FBF1: variants seen among roughly 807,000 people sequenced by gnomAD.
The protein encoded by FBF1 is fas-binding factor 1.
A neutral mutation model predicts 147.2 loss-of-function variants in FBF1; 119 were observed. That is an observed-to-expected ratio of 0.81 (90% CI 0.70 to 0.94). The LOEUF is 0.94. Among genes scored for constraint, FBF1 ranks in the 40% least tolerant of loss-of-function variants. FBF1 has a pLI of 0.00. For synonymous variants in FBF1, 601 were observed against 609.0 expected (o/e 0.99, Z 0.19); for missense variants, 1,449 against 1,500.8 (o/e 0.97, Z 0.57).
Position 75,919,961 on chromosome 17 carries a change from G to C in FBF1, c.1931+46C>G, listed in dbSNP as rs757953238. On this transcript the variant is annotated intron_variant, in intron 19 of 29. Transcript: ENST00000636174. This position sits in a 1 kb window ranked among gnomAD's most constrained non-coding sequence, Gnocchi z 5.0. Reference sequence around the variant, plus strand: ...TCCAGGCACACTGGGTGGCCTTTGGGGTCAGTGTGAGATCCAAGGCAGAGC... The same window carrying C: ...TCCAGGCACACTGGGTGGCCTTTGGCGTCAGTGTGAGATCCAAGGCAGAGC... The C allele has an allele frequency of 1.2e-6, 2 of 1,609,852 alleles. No homozygotes were observed. The highest frequency in any genetic ancestry group is 2.2e-5 in the South Asian group (2 of 90,936).
Position 75,909,789 on chromosome 17 carries a change from C to A in FBF1, c.*934G>T. 1.6e-6 allele frequency: 1 copy of A among 640,352 alleles called. No homozygotes were observed. Among genetic ancestry groups the A allele is most frequent in the Non-Finnish European group, 2.9e-6 (1 of 350,826 alleles). The allele number at this position is 640,352 out of a possible 1,614,324, so 39.7% of individuals were successfully genotyped here. On this transcript the variant is annotated 3_prime_UTR_variant, in exon 30 of 30. Coordinates refer to ENST00000636174, the MANE Select transcript of FBF1 (RefSeq NM_001319193.2). Reference sequence around the variant, plus strand: ...AAGAACATCTGCCTGTTCTTTGGGACTTGTCCAGCAAATAACAGGAAACAT... The same window carrying A: ...AAGAACATCTGCCTGTTCTTTGGGAATTGTCCAGCAAATAACAGGAAACAT...
chr17:75,913,128 G>A (rs1398991649), intron 28 of FBF1, among the ~76,000 whole-genome samples: 2 of 151,144 alleles, frequency 1.3e-5, no homozygotes, highest in African/African-American at 2.4e-5. Context: ...AGACTCAGGA[G>A]TGGCGTTGAG....
intron 28 of FBF1, chr17:75,913,457 C>CT (rs1235872206): frequency 9.5e-6 from 4 of 422,586 alleles, no homozygotes; most frequent in Non-Finnish European, 1.7e-5. Flanking sequence ...CTGACAATGA[C>CT]TTTTTTTATT....
intron 10 of FBF1, 107 bp downstream of exon 10, chr17:75,926,651 C>G: frequency 8.7e-6 from 13 of 1,494,056 alleles, no homozygotes; most frequent in Non-Finnish European, 1.2e-5. Context: ...CCTTAGACCT[C>G]TGGTCCCCAC....
Position 75,917,781 on chromosome 17 carries a change from A to G in FBF1, c.2456T>C (p.Ile819Thr). ...EEERSRQQEVIGKMEARLNEQ... is the reference protein window; with the variant it reads ...EEERSRQQEVTGKMEARLNEQ... ...ATTCAGCCGTGCCTCCATCTTCCCG[A>G]TGACCTCCTGTTGCCGGCTCCGCTC... is the stretch of plus-strand genomic sequence containing the variant. Residue 819 changes from isoleucine to threonine, a missense_variant, in exon 23 of 30, where the codon ATC (isoleucine) becomes ACC (threonine). Transcript: ENST00000636174. 1.2e-6 allele frequency: 2 copies of G among 1,610,976 alleles called. No individual in the cohort carries two copies. Among genetic ancestry groups the G allele is most frequent in the African/African-American group, 1.3e-5 (1 of 74,984 alleles).
intron 2 of FBF1, 91 bp downstream of exon 2, chr17:75,938,056 C>A (rs774150526): frequency 1.3e-6 from 2 of 1,572,252 alleles, no homozygotes; most frequent in South Asian, 2.3e-5. Context: ...GCCGCCCAGC[C>A]CCCAGAGTGT....
intron 6 of FBF1, among the ~76,000 whole-genome samples, 155 bp downstream of exon 6, chr17:75,931,074 A>C (rs895164608): frequency 9.9e-5 from 15 of 152,094 alleles, no homozygotes; most frequent in African/African-American, 3.1e-4. Context: ...TAGCCTGAGC[A>C]ACAGAGGGAG....
At chr17:75,934,532 G>C (rs2065612071) in intron 4 of FBF1, among the ~76,000 whole-genome samples, 1 of 151,062 alleles carries the variant, frequency 6.6e-6, no homozygotes, top group South Asian at 2.1e-4. Context: ...CTCCAGCCTG[G>C]GTGACACAGT....
At chr17:75,911,722 G>A (rs2065457670) in intron 29 of FBF1, among the ~76,000 whole-genome samples, 1 of 151,794 alleles carries the variant, frequency 6.6e-6, no homozygotes, top group South Asian at 2.1e-4. Context: ...TGTTGCCCAA[G>A]CTGGCCACGA....
Position 75,920,360 on chromosome 17 carries a change from C to A in FBF1, c.1744G>T (p.Ala582Ser), listed in dbSNP as rs750190935. The A allele has an allele frequency of 2.5e-6, 4 of 1,605,228 alleles. No homozygotes were observed. The East Asian group carries it at 9.0e-5, about 36-fold the overall frequency. Residue 582 changes from alanine to serine, a missense_variant, in exon 18 of 30, where the codon GCA becomes TCA. By Grantham distance (99) the Ala-to-Ser change is moderately conservative (BLOSUM62 1). Coordinates refer to ENST00000636174, the MANE Select transcript of FBF1 (RefSeq NM_001319193.2). ...GGGCTGCACTGAAGTTGCACCTGTGCTGCCAGGAGCTGCTTCTGGTATTCT... is the reference window on the plus strand; with the variant it reads ...GGGCTGCACTGAAGTTGCACCTGTGATGCCAGGAGCTGCTTCTGGTATTCT... ...STEYQKQLLA[A>S]QVQLQCSPAE...
chr17:75,923,291 T>C lies in FBF1; in HGVS notation c.1319A>G (p.His440Arg). The C allele has an allele frequency of 6.3e-7, 1 of 1,592,464 alleles. No homozygotes were observed. Among genetic ancestry groups the C allele is most frequent in the East Asian group, 2.3e-5 (1 of 43,988 alleles). The change falls in exon 14 of 30, where the codon CAT (histidine) becomes CGT (arginine). Residue 440 changes from histidine to arginine, a missense_variant. Transcript: ENST00000636174. This position sits in a 1 kb window ranked among gnomAD's most constrained non-coding sequence, Gnocchi z 4.1. ...TTGGGACTTCTTCCGAGACAGGGCA[T>C]GGCTCAGCCAGTCCTCTTTCTCCTC... ...SKEEKEDWLS[H>R]ALSRKKSQGL...
At position 75,918,194 on chromosome 17, in the gene FBF1, G is replaced by A. The variant is rs1283086759; in HGVS notation, c.2214C>T (p.Val738=). The A allele has an allele frequency of 1.4e-5, 23 of 1,613,244 alleles. No individual in the cohort carries two copies. The highest frequency in any genetic ancestry group is 1.9e-5 in the Non-Finnish European group (22 of 1,179,832). Residue 738 remains valine (V), a synonymous_variant, in exon 21 of 30, where the codon GTC becomes GTT. Coordinates refer to ENST00000636174, the MANE Select transcript of FBF1 (RefSeq NM_001319193.2). The surrounding 1 kb of genome is among the most constrained non-coding windows in gnomAD (Gnocchi z 5.8). ...GGGAGGTGGCACTGGTGGCCGCATCGACCTCTCGGTCCTTCAGCAGCTTTA... is the reference window on the plus strand; with the variant it reads ...GGGAGGTGGCACTGGTGGCCGCATCAACCTCTCGGTCCTTCAGCAGCTTTA... ...QRLKLLKDRE[V]DAATSATSHT...
Position 75,910,004 on chromosome 17 carries a change from C to CCTCGTCG in FBF1, c.*718_*719insCGACGAG. On this transcript the variant is annotated 3_prime_UTR_variant, in exon 30 of 30. Transcript: ENST00000636174. This position sits in a 1 kb window ranked among gnomAD's most constrained non-coding sequence, Gnocchi z 4.1. ...AGGTGAGCAGCACAGAGGCTTCCCT[C>CCTCGTCG]CTCGTCCCTCCCCACACCCCACCAT... is the stretch of plus-strand genomic sequence containing the variant. 1.5e-6 allele frequency: 1 copy of CCTCGTCG among 681,710 alleles called. No individual in the cohort carries two copies. The highest frequency in any genetic ancestry group is 2.0e-5 in the Admixed American group (1 of 49,296). The allele number at this position is 681,710 out of a possible 1,614,324, so 42.2% of individuals were successfully genotyped here. A position where few individuals can be genotyped will look rare whatever the true frequency, so the allele number is the denominator to read the frequency against.
At chr17:75,938,122 G>C (rs748895467) in intron 2 of FBF1, 25 bp downstream of exon 2, 1 of 1,613,112 alleles carries the variant, frequency 6.2e-7, no homozygotes. Context: ...CGCTTTCCAT[G>C]CATCTTACTC....
Position 75,923,426 on chromosome 17 carries a change from CT to C in FBF1, c.1183del (p.Ser395AlafsTer44), listed in dbSNP as rs749994072. On this transcript the variant is annotated frameshift_variant, in exon 14 of 30. Coordinates refer to ENST00000636174, the MANE Select transcript of FBF1 (RefSeq NM_001319193.2). LOFTEE classifies it high-confidence loss of function. The surrounding 1 kb of genome is among the most constrained non-coding windows in gnomAD (Gnocchi z 4.1). ...PVTPSVPPPA[S>X]QHSTPAGLPP... ...CAGCCCAGCTGGCGTGGAGTGCTGG[CT>C]CGCAGGAGGAGGCACTGAGGGCGTG... 3.7e-6 allele frequency: 6 copies of C among 1,608,210 alleles called. No individual in the cohort carries two copies. The South Asian group carries it at 6.7e-5, about 18-fold the overall frequency.
chr17:75,928,227 G>T lies in FBF1; in HGVS notation c.280-34C>A. On this transcript the variant is annotated intron_variant, in intron 7 of 29. Coordinates refer to ENST00000636174, the MANE Select transcript of FBF1 (RefSeq NM_001319193.2). The surrounding 1 kb of genome is among the most constrained non-coding windows in gnomAD (Gnocchi z 4.2). The stretch of plus-strand genomic sequence containing the variant: ...CCAGGGAGGGAGGGCAGAGGACTAT[G>T]TCTGATAAGGGGCTGAGGACTTCCA... 1.3e-6 allele frequency: 2 copies of T among 1,576,674 alleles called. No individual in the cohort carries two copies. Among genetic ancestry groups the T allele is most frequent in the Non-Finnish European group, 1.7e-6 (2 of 1,146,354 alleles).
chr17:75,911,841 G>A (rs556046650), intron 29 of FBF1, among the ~76,000 whole-genome samples: 3 of 152,138 alleles, frequency 2.0e-5, no homozygotes, highest in East Asian at 3.9e-4. Flanking sequence ...TTGTAGAGAC[G>A]GTGTCTCAAC....
intron 9 of FBF1, 63 bp downstream of exon 9, chr17:75,927,392 A>G (rs1377428159): frequency 7.0e-7 from 1 of 1,430,262 alleles, no homozygotes; most frequent in Non-Finnish European, 9.6e-7. Flanking sequence ...GCCAGCAAGC[A>G]TGCCTAGGCT....
chr17:75,933,524 T>C (rs1299770868), intron 4 of FBF1, among the ~76,000 whole-genome samples: 3 of 152,046 alleles, frequency 2.0e-5, no homozygotes, highest in Admixed American at 2.0e-4. Flanking sequence ...TGAGCTGAAA[T>C]TGCGCCACTG....
Sources: gnomAD v4.1 joint callset for allele counts (sites outside exome capture counted in the v4.1 genomes callset) on GRCh38, gnomAD v4.1.1 for gene constraint, Gnocchi (gnomAD v3.1) non-coding constraint, MANE v1.5 for transcripts, NCBI Gene and HGNC (gene_info 2026-07-23, HGNC 2026-07-21) for gene names.